S100A1: variants seen among roughly 807,000 people sequenced by gnomAD.
The protein encoded by S100A1 is protein S100-A1.
Under a neutral mutation model 7.6 loss-of-function variants are expected in S100A1, and 3 were observed. The ratio of observed to expected loss-of-function variants is 0.40; its 90% CI spans 0.18 to 1.02. S100A1 has a LOEUF of 1.02. S100A1 is among the 50% of genes least tolerant of loss of function. The pLI is 0.35. For synonymous variants in S100A1, 49 were observed against 49.0 expected (o/e 1.00, Z 0.00); for missense variants, 126 against 115.0 (o/e 1.10, Z -0.44).
intron 2 of S100A1, chr1:153,631,305 C>T (rs914852596): frequency 4.2e-6 from 3 of 721,656 alleles, no homozygotes; most frequent in African/African-American, 1.8e-5. Context: ...AGCCCTGCTA[C>T]TTTCTAGCTG....
At position 153,631,854 on chromosome 1, in the gene S100A1, AT is replaced by A. The variant is rs747271796; in HGVS notation, c.*15del. On this transcript the variant is annotated 3_prime_UTR_variant, in exon 3 of 3. Transcript: ENST00000292169. ...GGAGAACAGTTGAGCAGACAGCCAC[AT>A]TGGGCAGCGCCCTTCCTCTCCACCC... 1.2e-6 allele frequency: 2 copies of A among 1,612,286 alleles called. No individual in the cohort carries two copies. The highest frequency in any genetic ancestry group is 2.7e-5 in the African/African-American group (2 of 74,860).
intron 2 of S100A1, 23 bp downstream of exon 2, chr1:153,630,685 G>C: frequency 6.2e-7 from 1 of 1,612,066 alleles, no homozygotes; most frequent in Non-Finnish European, 8.5e-7. Flanking sequence ...TGGTGGAGTG[G>C]GAGTGGAGTG....
chr1:153,628,467 A>C lies in S100A1; in HGVS notation c.-43A>C. On this transcript the variant is annotated 5_prime_UTR_variant, in exon 1 of 3. Transcript: ENST00000292169. ...TTGCAACCTTGGCCATCTGTCCAGA[A>C]CCTGCTCCCACCTCAGGCCCAGGCC... is the stretch of plus-strand genomic sequence containing the variant. 6.4e-7 allele frequency: 1 copy of C among 1,550,660 alleles called. No individual in the cohort carries two copies. Among genetic ancestry groups the C allele is most frequent in the Non-Finnish European group, 8.7e-7 (1 of 1,146,964 alleles).
chr1:153,631,495 A>G (rs2101643666), intron 2 of S100A1: 2 of 1,609,420 alleles, frequency 1.2e-6, no homozygotes, highest in Non-Finnish European at 1.7e-6. Flanking sequence ...TGGTGTCATT[A>G]TTATTCATTC....
At position 153,628,486 on chromosome 1, in the gene S100A1, C is replaced by A. The variant is rs1299544572; in HGVS notation, c.-24C>A. 31 of 1,550,626 alleles carry A rather than the reference C, an allele frequency of 2.0e-5. No individual in the cohort carries two copies. The East Asian group carries it at 7.6e-4, about 38-fold the overall frequency. On this transcript the variant is annotated 5_prime_UTR_variant, in exon 1 of 3. Transcript: ENST00000292169. ...TCCAGAACCTGCTCCCACCTCAGGCCCAGGCCAACCGTGAGTACCCTGCCC... is the reference window on the plus strand; with the variant it reads ...TCCAGAACCTGCTCCCACCTCAGGCACAGGCCAACCGTGAGTACCCTGCCC...
rs1667936346 is a variant in S100A1 at position 153,630,418 on chromosome 1, C to A, written c.-13-91C>A. On this transcript the variant is annotated intron_variant, in intron 1 of 2. Transcript: ENST00000292169. ...CTAATCCCACAGCTATTTGAGCTGT[C>A]AGCCAGGGCCAGTCCTGAGGGTTCC... 2.7e-6 allele frequency: 4 copies of A among 1,469,254 alleles called. No individual in the cohort carries two copies. The East Asian group carries it at 9.4e-5, about 35-fold the overall frequency. 91.0% of individuals were successfully genotyped at this position (1,469,254 alleles called of 1,614,324 possible).
intron 1 of S100A1, 64 bp from the exon 2 acceptor site, chr1:153,630,445 C>T: frequency 6.3e-7 from 1 of 1,576,958 alleles, no homozygotes; most frequent in South Asian, 1.2e-5. Context: ...GAGGGTTCCC[C>T]TCACCTAGAC....
chr1:153,629,124 T>C (rs1571299031), intron 1 of S100A1: 1 of 152,112 alleles, frequency 6.6e-6, no homozygotes, highest in Non-Finnish European at 1.5e-5. Flanking sequence ...CCCCCCATTC[T>C]TACCTCTTTG....
chr1:153,628,764 C>G (rs552159719), intron 1 of S100A1: 2 of 506,732 alleles, frequency 3.9e-6, no homozygotes, highest in African/African-American at 1.9e-5. Flanking sequence ...GCTTCCTGAC[C>G]GCCTGGCCCT....
Position 153,630,626 on chromosome 1 carries a change from AGAGCTGCTGCAGACG to A in S100A1, c.111_125del (p.Leu38_Leu42del). On this transcript the variant is annotated inframe_deletion, in exon 2 of 3. Coordinates refer to ENST00000292169, the MANE Select transcript of S100A1 (RefSeq NM_006271.2). The stretch of plus-strand genomic sequence containing the variant: ...ACAAGCTGAGCAAGAAGGAGCTGAA[AGAGCTGCTGCAGACG>A]GAGCTCTCTGGCTTCCTGGATGTGA... 6.2e-7 allele frequency: 1 copy of A among 1,614,242 alleles called. No individual in the cohort carries two copies. The highest frequency in any genetic ancestry group is 2.2e-5 in the East Asian group (1 of 44,884).
chr1:153,630,220 C>A (rs1667925510), intron 1 of S100A1: 2 of 473,874 alleles, frequency 4.2e-6, no homozygotes, highest in Admixed American at 3.8e-5. Flanking sequence ...CAGACATCTA[C>A]CACAGGCCTC....
intron 2 of S100A1, chr1:153,631,441 T>C (rs1391930149): frequency 1.9e-6 from 3 of 1,554,154 alleles, no homozygotes; most frequent in Non-Finnish European, 2.6e-6. Flanking sequence ...GTAAAGCTCC[T>C]AGTGTAGTGC....
In S100A1 at chr1:153,630,189, T is replaced by TC. The variant is rs1667924766; in HGVS notation, c.-13-317dup. The TC allele has an allele frequency of 2.3e-5, 10 of 439,848 alleles. No individual in the cohort carries two copies. In the East Asian group the frequency reaches 3.1e-4, roughly 14 times the overall value. The allele number at this position is 439,848 out of a possible 1,614,324, so 27.2% of individuals were successfully genotyped here. ...CCCCTGCCTGCCCCACCCTCCTCAATCCCTGCCTGGGCAGCCACTGCAGAC... is the reference window on the plus strand; with the variant it reads ...CCCCTGCCTGCCCCACCCTCCTCAATCCCCTGCCTGGGCAGCCACTGCAGAC... On this transcript the variant is annotated intron_variant, in intron 1 of 2. Transcript: ENST00000292169.
At chr1:153,631,132 G>C in intron 2 of S100A1, 1 of 313,100 alleles carries the variant, frequency 3.2e-6, no homozygotes, top group South Asian at 5.7e-5. Flanking sequence ...AAAAGCATGG[G>C]AGAAAGAAGA....
intron 1 of S100A1, chr1:153,630,013 G>A (rs1488769866): frequency 6.2e-6 from 1 of 162,044 alleles, no homozygotes; most frequent in Non-Finnish European, 1.3e-5. Flanking sequence ...GAGGGTACCA[G>A]ACTGACTCCT....
intron 2 of S100A1, 56 bp downstream of exon 2, chr1:153,630,718 T>C (rs1571302085): frequency 1.9e-6 from 3 of 1,593,542 alleles, no homozygotes; most frequent in South Asian, 2.3e-5. Flanking sequence ...GGGAATGGGG[T>C]GGACACCCCC....
At position 153,628,617 on chromosome 1, in the gene S100A1, G is replaced by A. The variant is rs865822557; in HGVS notation, c.-14+121G>A. On this transcript the variant is annotated intron_variant, in intron 1 of 2. Transcript: ENST00000292169. ...GTGGAGCACTGAGGATCTGGGAGGA[G>A]TCAGTCAGGGTGAGGGCAGTTTGGG... The A allele has an allele frequency of 2.8e-6, 4 of 1,447,706 alleles. No homozygotes were observed. In the Middle Eastern group the frequency reaches 6.7e-4, roughly 242 times the overall value. 89.7% of individuals were successfully genotyped at this position (1,447,706 alleles called of 1,614,324 possible). A position where few individuals can be genotyped will look rare whatever the true frequency, so the allele number is the denominator to read the frequency against.
At chr1:153,630,724 C>A (rs930598764) in intron 2 of S100A1, 62 bp downstream of exon 2, 3 of 1,581,410 alleles carry the variant, frequency 1.9e-6, no homozygotes, top group Non-Finnish European at 2.6e-6. Context: ...GGGGTGGACA[C>A]CCCCTTGCTA....
At chr1:153,630,907 A>C in intron 2 of S100A1, 1 of 495,156 alleles carries the variant, frequency 2.0e-6, no homozygotes, top group Non-Finnish European at 3.5e-6. Flanking sequence ...TAAGACACAC[A>C]GACTTAGAAG....
Sources: allele counts gnomAD v4.1 joint callset, GRCh38; gene constraint gnomAD v4.1.1; transcripts MANE v1.5; gene names NCBI Gene and HGNC (gene_info 2026-07-23, HGNC 2026-07-21).